TRAF5: variants seen among roughly 807,000 people sequenced by gnomAD.
TRAF5 encodes the protein TNF receptor-associated factor 5.
TRAF5 carries 48 observed loss-of-function variants against 64.5 expected under a neutral mutation model. The observed-to-expected ratio is 0.74, with a 90% CI of 0.59 to 0.95. The LOEUF is 0.95. Among genes scored for constraint, TRAF5 ranks in the 40% least tolerant of loss-of-function variants. TRAF5 has a pLI of 0.00. For missense variants in TRAF5, 545 were observed against 662.8 expected (o/e 0.82, Z 1.95); for synonymous variants, 206 against 240.5 (o/e 0.86, Z 1.33).
At chr1:211,368,728 A>C (rs1572093587) in intron 8 of TRAF5, among the ~76,000 whole-genome samples, 1 of 152,234 alleles carries the variant, frequency 6.6e-6, no homozygotes, top group African/African-American at 2.4e-5. Flanking sequence ...TGTTTCTTTC[A>C]AGTAGATTAT....
At position 211,353,237 on chromosome 1, in the gene TRAF5, A is replaced by C. The variant is rs1276043431; in HGVS notation, c.-1-2A>C. On this transcript the variant is annotated splice_acceptor_variant, in intron 1 of 10. Coordinates refer to ENST00000261464, the MANE Select transcript of TRAF5 (RefSeq NM_001033910.3). LOFTEE classifies it low-confidence loss of function (5UTR_SPLICE). ...TTCCCTCTCCTCCCCTGACCTCTGC[A>C]GAATGGCTTATTCAGAAGAGCATAA... 1 of 1,614,054 alleles carries C rather than the reference A, an allele frequency of 6.2e-7. No homozygotes were observed. The highest frequency in any genetic ancestry group is 8.5e-7 in the Non-Finnish European group (1 of 1,179,996).
Position 211,360,833 on chromosome 1 carries a change from T to G in TRAF5, c.621+54T>G, listed in dbSNP as rs1703154453. Reference sequence around the variant, plus strand: ...TTTATGGAAGATAACGTTTTAGTAATCATTGTGGTCTGTGTTTGATACAGT... The same window carrying G: ...TTTATGGAAGATAACGTTTTAGTAAGCATTGTGGTCTGTGTTTGATACAGT... On this transcript the variant is annotated intron_variant, in intron 6 of 10. Transcript: ENST00000261464. The G allele has an allele frequency of 2.0e-6, 3 of 1,516,590 alleles. No individual in the cohort carries two copies. The East Asian group carries it at 6.8e-5, about 34-fold the overall frequency. The allele number at this position is 1,516,590 out of a possible 1,614,324, so 93.9% of individuals were successfully genotyped here.
At chr1:211,348,004 A>G (rs1461501983) in intron 1 of TRAF5, among the ~76,000 whole-genome samples, 1 of 152,220 alleles carries the variant, frequency 6.6e-6, no homozygotes, top group Non-Finnish European at 1.5e-5. Flanking sequence ...TTACTAGCAC[A>G]GCACTGCTTG....
At position 211,341,559 on chromosome 1, in the gene TRAF5, C is replaced by T. The variant is rs1233226764; in HGVS notation, c.-1-11680C>T. ...GATAAGCTTGGGAGGGCCAGGGAGGCTTCAGAGAGGCACTGATGGGATCTG... is the reference window on the plus strand; with the variant it reads ...GATAAGCTTGGGAGGGCCAGGGAGGTTTCAGAGAGGCACTGATGGGATCTG... On this transcript the variant is annotated intron_variant, in intron 1 of 10. Coordinates refer to ENST00000261464, the MANE Select transcript of TRAF5 (RefSeq NM_001033910.3). 3.3e-5 allele frequency among the ~76,000 whole-genome samples: 5 copies of T among 152,142 alleles called. No homozygotes were observed. In the East Asian group the frequency reaches 9.6e-4, roughly 29 times the overall value.
At position 211,353,427 on chromosome 1, in the gene TRAF5, GCT is replaced by G. The variant is rs1558140034; in HGVS notation, c.189_190del (p.Phe64LeufsTer21). The G allele has an allele frequency of 1.9e-6, 3 of 1,613,634 alleles. No individual in the cohort carries two copies. The highest frequency in any genetic ancestry group is 2.5e-6 in the Non-Finnish European group (3 of 1,179,994). On this transcript the variant is annotated frameshift_variant, in exon 2 of 11. Transcript: ENST00000261464. LOFTEE classifies it high-confidence loss of function. ...CCCCACCAGACAGGATGTGGGCACCGCTTCTGCCAGCACTGCATCCTGTCCCT... is the reference window on the plus strand; with the variant it reads ...CCCCACCAGACAGGATGTGGGCACCGTCTGCCAGCACTGCATCCTGTCCCT...
intron 9 of TRAF5, among the ~76,000 whole-genome samples, chr1:211,370,319 G>A (rs2102772985): frequency 6.6e-6 from 1 of 151,740 alleles, no homozygotes; most frequent in South Asian, 2.1e-4. Flanking sequence ...TGAAATTTAA[G>A]TTATCCCAGA....
rs538919543 is a variant in TRAF5, at chr1:211,370,449, T to G, written c.931-853T>G. 2.3e-4 allele frequency among the ~76,000 whole-genome samples: 35 copies of G among 152,086 alleles called. 1 individual carries two copies. The highest frequency in any genetic ancestry group is 7.0e-4 in the African/African-American group (29 of 41,478). ...ATACAATGTATATGTATGTGAAATA[T>G]ATATAAAGTATATATGCACATGTGT... On this transcript the variant is annotated intron_variant, in intron 9 of 10. Coordinates refer to ENST00000261464, the MANE Select transcript of TRAF5 (RefSeq NM_001033910.3).
At chr1:211,343,917 G>T (rs1031351103) in intron 1 of TRAF5, among the ~76,000 whole-genome samples, 4 of 151,662 alleles carry the variant, frequency 2.6e-5, no homozygotes, top group Non-Finnish European at 5.9e-5. Flanking sequence ...CAAGGATGGG[G>T]GCTTCCTAGT....
chr1:211,365,256 G>A (rs372516383), intron 7 of TRAF5, 120 bp from the exon 8 acceptor site: 15 of 726,750 alleles, frequency 2.1e-5, no homozygotes, highest in Middle Eastern at 2.4e-4. Context: ...AGACTGGTGC[G>A]TGTTTAAACT....
chr1:211,355,840 A>T (rs1267986074), intron 3 of TRAF5, among the ~76,000 whole-genome samples: 1 of 152,234 alleles, frequency 6.6e-6, no homozygotes, highest in Non-Finnish European at 1.5e-5. Flanking sequence ...GTTCATAAAT[A>T]GTGTTTTATT....
intron 1 of TRAF5, among the ~76,000 whole-genome samples, chr1:211,350,362 C>A (rs1572070499): frequency 1.3e-5 from 2 of 150,744 alleles, no homozygotes; most frequent in Non-Finnish European, 3.0e-5. Flanking sequence ...TGCGAAGGCC[C>A]TGTGGCATAG....
intron 1 of TRAF5, among the ~76,000 whole-genome samples, chr1:211,350,035 T>C (rs1216340026): frequency 2.0e-5 from 3 of 152,116 alleles, no homozygotes; most frequent in Non-Finnish European, 4.4e-5. Context: ...TGCATGTAAA[T>C]AAAATGTTTT....
chr1:211,367,938 A>G (rs1314844551), intron 8 of TRAF5, among the ~76,000 whole-genome samples: 1 of 152,178 alleles, frequency 6.6e-6, no homozygotes, highest in African/African-American at 2.4e-5. Flanking sequence ...CCAAAACAAC[A>G]ACAAAAAGCA....
At chr1:211,356,575 T>A in intron 4 of TRAF5, 107 bp downstream of exon 4, 1 of 965,652 alleles carries the variant, frequency 1.0e-6, no homozygotes, top group Non-Finnish European at 1.6e-6. Context: ...AGGGATTCAG[T>A]GAATTGCCCT....
chr1:211,360,142 A>G, intron 5 of TRAF5, 66 bp downstream of exon 5: 1 of 1,452,168 alleles, frequency 6.9e-7, no homozygotes, highest in Non-Finnish European at 9.6e-7. Flanking sequence ...GTCACAGTGA[A>G]TCAGGTGGAA....
chr1:211,332,823 T>C (rs1051280517), intron 1 of TRAF5, among the ~76,000 whole-genome samples: 1 of 152,192 alleles, frequency 6.6e-6, no homozygotes, highest in Non-Finnish European at 1.5e-5. Flanking sequence ...GGGAAGTAGA[T>C]TATTTGGGAG....
At chr1:211,342,389 C>T (rs1439063820) in intron 1 of TRAF5, among the ~76,000 whole-genome samples, 1 of 151,834 alleles carries the variant, frequency 6.6e-6, no homozygotes, top group Non-Finnish European at 1.5e-5. Flanking sequence ...TGTATATTGG[C>T]TACATGAGAT....
chr1:211,328,182 T>C (rs1189140200), intron 1 of TRAF5, among the ~76,000 whole-genome samples: 1 of 152,200 alleles, frequency 6.6e-6, no homozygotes, highest in Non-Finnish European at 1.5e-5. Flanking sequence ...GGGGTGTTAA[T>C]GTAATTGATG....
In TRAF5 at chr1:211,372,211, A is replaced by G; in HGVS notation, c.1183A>G (p.Lys395Glu). The G allele has an allele frequency of 6.2e-7, 1 of 1,614,052 alleles. No individual in the cohort carries two copies. The highest frequency in any genetic ancestry group is 8.5e-7 in the Non-Finnish European group (1 of 1,180,004). ...AQLSKNEERF[K>E]LLEGTCYNGK... ...GCTGAGTAAAAATGAAGAGCGATTT[A>G]AACTGCTGGAGGGTACTTGCTATAA... Residue 395 changes from lysine to glutamate, a missense_variant, in exon 11 of 11, where the codon AAA becomes GAA. By Grantham distance (56) the Lys-to-Glu change is moderately conservative. Coordinates refer to ENST00000261464, the MANE Select transcript of TRAF5 (RefSeq NM_001033910.3).
Sources: gnomAD v4.1 joint callset for allele counts (sites outside exome capture counted in the v4.1 genomes callset) on GRCh38, gnomAD v4.1.1 for gene constraint, MANE v1.5 for transcripts, NCBI Gene and HGNC (gene_info 2026-07-23, HGNC 2026-07-21) for gene names.